CUL4A: variants seen among roughly 807,000 people sequenced by gnomAD.
The protein encoded by CUL4A is cullin-4A.
A neutral mutation model predicts 95.5 loss-of-function variants in CUL4A; 16 were observed. The observed-to-expected ratio is 0.17, with a 90% CI of 0.11 to 0.25. CUL4A has a LOEUF of 0.25. CUL4A is among the 10% of genes least tolerant of loss of function. CUL4A has a pLI of 1.00. For synonymous variants in CUL4A, 380 were observed against 353.1 expected, an observed-to-expected ratio of 1.08 and a Z score of -0.85; for missense variants, 610 against 937.0, an observed-to-expected ratio of 0.65 and a Z score of 4.56.
intron 3 of CUL4A, among the ~76,000 whole-genome samples, chr13:113,222,990 G>C (rs2040956276): frequency 6.6e-6 from 1 of 152,176 alleles, no homozygotes; most frequent in Non-Finnish European, 1.5e-5. Flanking sequence ...CATCTTGTGG[G>C]AATCGAGGGG....
chr13:113,218,856 T>C, intron 2 of CUL4A, 89 bp from the exon 3 acceptor site: 1 of 850,634 alleles, frequency 1.2e-6, no homozygotes, highest in Non-Finnish European at 1.8e-6. Flanking sequence ...GCCTTTTTCT[T>C]ATGATTACAG....
chr13:113,242,850 T>G, intron 10 of CUL4A, 118 bp from the exon 11 acceptor site: 2 of 727,392 alleles, frequency 2.7e-6, no homozygotes, highest in Non-Finnish European at 4.3e-6. Flanking sequence ...TTAAAGTTAT[T>G]GAGTATTTAC....
intron 2 of CUL4A, among the ~76,000 whole-genome samples, chr13:113,216,886 A>G (rs2040714441): frequency 6.6e-6 from 1 of 152,224 alleles, no homozygotes; most frequent in Non-Finnish European, 1.5e-5. Flanking sequence ...CAGCACCTAC[A>G]GCAAACCTGG....
At chr13:113,248,427 C>T (rs992350368) in intron 15 of CUL4A, among the ~76,000 whole-genome samples, 6 of 152,100 alleles carry the variant, frequency 3.9e-5, no homozygotes, top group African/African-American at 1.4e-4. Context: ...GGTCTGTGAG[C>T]CACCCTTAAC....
At chr13:113,208,314 G>A (rs2040096809), upstream of CUL4A, 12 of 1,432,748 alleles carry the variant, frequency 8.4e-6, no homozygotes, top group South Asian at 5.9e-5. Context: ...GTGCCAGCAA[G>A]TGAGGGCAGC....
chr13:113,235,442 T>G (rs1259611428), intron 8 of CUL4A, among the ~76,000 whole-genome samples: 1 of 152,238 alleles, frequency 6.6e-6, no homozygotes, highest in African/African-American at 2.4e-5. Context: ...TATTAGGTTA[T>G]TTTGATTGTG....
chr13:113,212,348 T>G (rs1393200714), intron 2 of CUL4A, among the ~76,000 whole-genome samples: 2 of 152,250 alleles, frequency 1.3e-5, no homozygotes, highest in Non-Finnish European at 2.9e-5. Context: ...GATTGTGCTT[T>G]TAGTATCCAA....
At position 113,220,113 on chromosome 13, in the gene CUL4A, TC is replaced by T. The variant is rs367678659; in HGVS notation, c.368+1070del. On this transcript the variant is annotated intron_variant, in intron 3 of 19. Transcript: ENST00000375440. ...TCTTCTAGTTCAAGGAAACTTCTGC[TC>T]CCCCATCTCCCTGATCTTGGGAAAC... 1.5e-3 allele frequency among the ~76,000 whole-genome samples: 229 copies of T among 152,302 alleles called. 2 individuals carry two copies. The highest frequency in any genetic ancestry group is 9.3e-3 in the South Asian group (45 of 4,828).
upstream of CUL4A, chr13:113,208,701 GCCCT>G (rs2040162103): frequency 6.5e-7 from 1 of 1,543,694 alleles, no homozygotes. Context: ...GTCACTTCCG[GCCCT>G]CGGTCCGTCT....
At chr13:113,260,498 C>G (rs111568611) in intron 18 of CUL4A, 109 bp from the exon 19 acceptor site, 61 of 968,632 alleles carry the variant, frequency 6.3e-5, no homozygotes, top group Non-Finnish European at 8.8e-5. Flanking sequence ...TGCAGTGAGC[C>G]GAGATCACAC....
At chr13:113,239,887 T>A (rs866681937) in intron 10 of CUL4A, among the ~76,000 whole-genome samples, 3 of 152,266 alleles carry the variant, frequency 2.0e-5, no homozygotes, top group Admixed American at 6.5e-5. Flanking sequence ...GTAAATCTGC[T>A]TGTCAGACAT....
chr13:113,242,577 G>T (rs1182776697), intron 10 of CUL4A, among the ~76,000 whole-genome samples: 1 of 152,032 alleles, frequency 6.6e-6, no homozygotes, highest in East Asian at 1.9e-4. Context: ...ATTGCTTGAG[G>T]CCAGGAGTTC....
At chr13:113,212,273 CTG>C (rs975858314) in intron 2 of CUL4A, among the ~76,000 whole-genome samples, 3 of 152,170 alleles carry the variant, frequency 2.0e-5, no homozygotes, top group African/African-American at 4.8e-5. Context: ...ATTCTCTTAA[CTG>C]TGCCATTTGA....
At chr13:113,256,925 C>CTTTTTTTTTTTTTTT (rs1491171316) in intron 18 of CUL4A, among the ~76,000 whole-genome samples, 68 of 37,220 alleles carry the variant, frequency 1.8e-3, no homozygotes, top group Non-Finnish European at 2.3e-3. Context: ...TTTTTTTTTT[C>CTTTTTTTTTTTTTTT]GTTTTTTTTT....
In CUL4A at chr13:113,209,693, C is replaced by T. The variant is rs906432657; in HGVS notation, c.66C>T (p.Thr22=). The T allele has an allele frequency of 1.5e-5, 17 of 1,151,992 alleles. No individual in the cohort carries two copies. The highest frequency in any genetic ancestry group is 4.8e-5 in the Admixed American group (1 of 20,944). The allele number at this position is 1,151,992 out of a possible 1,614,324, so 71.4% of individuals were successfully genotyped here. The change falls in exon 1 of 20, where the codon ACC becomes ACT. Residue 22 remains threonine (T), a synonymous_variant. Transcript: ENST00000375440. ...SALVGRTNGL[T]KPAALAAAPA... is the part of the protein sequence containing the mutation. ...TCGTGGGCCGCACCAACGGCCTCAC[C>T]AAGCCCGCGGCCCTGGCCGCCGCGC...
chr13:113,260,211 A>AAAACAAAAAAAAC lies in CUL4A; in HGVS notation c.2032-393_2032-392insCAAAAAAAACAAA. 1.7e-5 allele frequency among the ~76,000 whole-genome samples: 2 copies of AAAACAAAAAAAAC among 119,526 alleles called. 1 individual carries two copies. The highest frequency in any genetic ancestry group is 6.7e-4 in the East Asian group (2 of 3,002). 78.4% of individuals were successfully genotyped at this position (119,526 alleles called of 152,430 possible). A position where few individuals can be genotyped will look rare whatever the true frequency, so the allele number is the denominator to read the frequency against. ...AGAGTGAGACTCCGTCTCAAAAAAAAAAAAAAAACCATTTCCCATCAAATT... is the reference window on the plus strand; with the variant it reads ...AGAGTGAGACTCCGTCTCAAAAAAAAAAACAAAAAAAACAAAAAAAACCATTTCCCATCAAATT... On this transcript the variant is annotated intron_variant, in intron 18 of 19. Transcript: ENST00000375440.
intron 3 of CUL4A, among the ~76,000 whole-genome samples, chr13:113,224,120 A>G (rs925528280): frequency 6.6e-6 from 1 of 152,176 alleles, no homozygotes; most frequent in South Asian, 2.1e-4. Flanking sequence ...TGGGAGGCCA[A>G]GGTGGGCGGA....
chr13:113,240,593 C>T (rs2041678841), intron 10 of CUL4A, among the ~76,000 whole-genome samples: 1 of 151,980 alleles, frequency 6.6e-6, no homozygotes, highest in Admixed American at 6.6e-5. Context: ...CAGAGAATTA[C>T]ACTAAGAGGA....
At chr13:113,236,916 TTAAAC>T (rs747360145) in intron 9 of CUL4A, 26 bp downstream of exon 9, 128 of 1,516,116 alleles carry the variant, frequency 8.4e-5, no homozygotes, top group Non-Finnish European at 1.1e-4. Context: ...CTTGTGCAAA[TTAAAC>T]TGAACAATTA....
Sources: allele counts gnomAD v4.1 joint callset (sites outside exome capture counted in the v4.1 genomes callset), GRCh38; gene constraint gnomAD v4.1.1; transcripts MANE v1.5; gene names NCBI Gene and HGNC (gene_info 2026-07-23, HGNC 2026-07-21).